Variants in DCLK3 observed in about 807,000 individuals in gnomAD.
DCLK3 encodes the protein serine/threonine-protein kinase DCLK3.
DCLK3 carries 30 observed loss-of-function variants against 46.4 expected under a neutral mutation model. The ratio of observed to expected loss-of-function variants is 0.65; its 90% CI spans 0.48 to 0.88. DCLK3 has a LOEUF of 0.88. DCLK3 is among the 40% of genes least tolerant of loss of function. The pLI is 0.00. For synonymous variants in DCLK3, 401 were observed against 339.2 expected (o/e 1.18, Z -2.00); for missense variants, 846 against 907.1 (o/e 0.93, Z 0.87).
chr3:36,758,625 A>G (rs911111681), intron 1 of DCLK3, among the ~76,000 whole-genome samples: 26 of 152,332 alleles, frequency 1.7e-4, no homozygotes, highest in African/African-American at 6.3e-4. Context: ...AGGTGCCCTA[A>G]TCATGGCCTG....
chr3:36,712,682 T>C lies in DCLK3; in HGVS notation c.*2646A>G, dbSNP rs1223495246. The stretch of plus-strand genomic sequence containing the variant: ...TTCACTTGTATTTTCTGGAATAGTA[T>C]GTAAATGAAATAATCAAAATGTAGT... On this transcript the variant is annotated 3_prime_UTR_variant, in exon 5 of 5. Transcript: ENST00000636136. The C allele has an allele frequency of 6.6e-6, 1 of 152,234 alleles. No individual in the cohort carries two copies. 9.4% of individuals were successfully genotyped at this position (152,234 alleles called of 1,614,324 possible).
intron 1 of DCLK3, among the ~76,000 whole-genome samples, chr3:36,742,097 T>C (rs1396049261): frequency 6.6e-6 from 1 of 152,154 alleles, no homozygotes; most frequent in Non-Finnish European, 1.5e-5. Flanking sequence ...CAGGGAGGCA[T>C]AAAGCAGTGT....
At chr3:36,724,180 C>T (rs979246386) in intron 2 of DCLK3, among the ~76,000 whole-genome samples, 4 of 152,154 alleles carry the variant, frequency 2.6e-5, no homozygotes, top group Admixed American at 2.0e-4. Flanking sequence ...GGGCCTGTGG[C>T]CCCTTTGTTT....
intron 2 of DCLK3, among the ~76,000 whole-genome samples, chr3:36,722,992 C>T (rs149879417): frequency 0.13 from 19,680 of 152,126 alleles, 1,670 homozygotes; most frequent in Non-Finnish European, 0.19. Flanking sequence ...CAGAAGAAGA[C>T]AGAAAAATGT....
At position 36,738,262 on chromosome 3, in the gene DCLK3, G is replaced by A. The variant is rs201773927; in HGVS notation, c.905C>T (p.Ser302Leu). 521 of 1,551,544 alleles carry A rather than the reference G, an allele frequency of 3.4e-4. 2 individuals carry two copies. Among genetic ancestry groups the A allele is most frequent in the African/African-American group, 8.3e-5 (6 of 72,402 alleles). ...CTTCTCGCATCTGATAATTTCACCCGAGGTCTTTTCAATCTCCACCCCAAG... is the reference window on the plus strand; with the variant it reads ...CTTCTCGCATCTGATAATTTCACCCAAGGTCTTTTCAATCTCCACCCCAAG... ...KHLGVEIEKT[S>L]GEIIRCEKCK... Residue 302 changes from serine (S) to leucine (L), a missense_variant, in exon 2 of 5, where the codon TCG becomes TTG. Physicochemically the swap from Ser to Leu is moderately radical, Grantham distance 145. Around this residue, in one of 3 missense-constraint regions of DCLK3, gnomAD observed 553 missense variants for 543.0 expected, o/e 1.02. Coordinates refer to ENST00000636136, the MANE Select transcript of DCLK3 (RefSeq NM_001394672.2).
At chr3:36,731,617 C>G (rs925668013) in intron 2 of DCLK3, among the ~76,000 whole-genome samples, 1 of 152,116 alleles carries the variant, frequency 6.6e-6, no homozygotes, top group Non-Finnish European at 1.5e-5. Flanking sequence ...ACGACTGATC[C>G]AGCTTCAGGT....
chr3:36,713,255 T>C lies in DCLK3; in HGVS notation c.*2073A>G, dbSNP rs756053623. The stretch of plus-strand genomic sequence containing the variant: ...TGAATCTATACAAGAGATCCAAAGG[T>C]ATAGGAGAAAAAAAAACCAGAAAAA... On this transcript the variant is annotated 3_prime_UTR_variant, in exon 5 of 5. Transcript: ENST00000636136. 1 of 151,728 alleles carries C rather than the reference T, an allele frequency of 6.6e-6. No homozygotes were observed. Among genetic ancestry groups the C allele is most frequent in the Non-Finnish European group, 1.5e-5 (1 of 67,960 alleles). 9.4% of individuals were successfully genotyped at this position (151,728 alleles called of 1,614,324 possible).
Position 36,737,433 on chromosome 3 carries a change from G to A in DCLK3, c.1734C>T (p.Leu578=). ...VDSEILIIQS[L]SHPNIVKLHE... ...GCAATTTCACGATGTTGGGGTGAGA[G>A]AGGCTCTGGATGATCAAGATCTCAC... The change falls in exon 2 of 5, where the codon CTC becomes CTT. Residue 578 remains leucine, a synonymous_variant. Transcript: ENST00000636136. The surrounding 1 kb of genome is among the most constrained non-coding windows in gnomAD (Gnocchi z 4.4). The A allele has an allele frequency of 6.2e-7, 1 of 1,614,222 alleles. No individual in the cohort carries two copies. Among genetic ancestry groups the A allele is most frequent in the African/African-American group, 1.3e-5 (1 of 75,064 alleles).
intron 4 of DCLK3, among the ~76,000 whole-genome samples, chr3:36,716,956 T>C (rs1366634697): frequency 6.6e-6 from 1 of 152,108 alleles, no homozygotes; most frequent in African/African-American, 2.4e-5. Context: ...AGCCACCCTC[T>C]CCCTACCTTA....
intron 2 of DCLK3, among the ~76,000 whole-genome samples, chr3:36,723,799 G>A (rs868023587): frequency 1.3e-5 from 2 of 152,286 alleles, no homozygotes; most frequent in Non-Finnish European, 1.5e-5. Context: ...TGCAGGGGAG[G>A]GGTTCTCATG....
intron 2 of DCLK3, among the ~76,000 whole-genome samples, chr3:36,727,285 T>C (rs1423383652): frequency 6.6e-6 from 1 of 152,126 alleles, no homozygotes; most frequent in Non-Finnish European, 1.5e-5. Context: ...TGAAGCTCCA[T>C]CTTAAAATAA....
chr3:36,715,106 C>G lies in DCLK3; in HGVS notation c.*222G>C, dbSNP rs1329916878. On this transcript the variant is annotated 3_prime_UTR_variant, in exon 5 of 5. Coordinates refer to ENST00000636136, the MANE Select transcript of DCLK3 (RefSeq NM_001394672.2). Reference sequence around the variant, plus strand: ...CCTCACTGATGACAATGCTTACCCCCCAAAAATGTATTAAAGGCTTTAAAT... The same window carrying G: ...CCTCACTGATGACAATGCTTACCCCGCAAAAATGTATTAAAGGCTTTAAAT... 1.3e-5 allele frequency: 7 copies of G among 545,890 alleles called. No individual in the cohort carries two copies. Among genetic ancestry groups the G allele is most frequent in the Non-Finnish European group, 2.1e-5 (7 of 327,426 alleles). 33.8% of individuals were successfully genotyped at this position (545,890 alleles called of 1,614,324 possible).
chr3:36,723,400 C>A (rs60415983), intron 2 of DCLK3, among the ~76,000 whole-genome samples: 1 of 152,164 alleles, frequency 6.6e-6, no homozygotes, highest in African/African-American at 2.4e-5. Flanking sequence ...AAGCCGGCTG[C>A]AGAAATTTGC....
Position 36,764,225 on chromosome 3 carries a change from GGGC to G in DCLK3, c.36_38del (p.Pro14del). ...GGCAGGCTGGGGCTGGCCGGGCCGG[GGGC>G]GGCGGCGGCTGCGGGGCTGGAGTGG... On this transcript the variant is annotated inframe_deletion, in exon 1 of 5. Transcript: ENST00000636136. This position sits in a 1 kb window ranked among gnomAD's most constrained non-coding sequence, Gnocchi z 4.9. 2.8e-5 allele frequency: 9 copies of G among 320,232 alleles called. No homozygotes were observed. Among genetic ancestry groups the G allele is most frequent in the Admixed American group, 5.0e-5 (1 of 19,894 alleles). 19.8% of individuals were successfully genotyped at this position (320,232 alleles called of 1,614,324 possible). A position where few individuals can be genotyped will look rare whatever the true frequency, so the allele number is the denominator to read the frequency against.
At chr3:36,733,352 C>A (rs1701222105) in intron 2 of DCLK3, among the ~76,000 whole-genome samples, 1 of 152,244 alleles carries the variant, frequency 6.6e-6, no homozygotes, top group Non-Finnish European at 1.5e-5. Context: ...ACACATCCTT[C>A]TCTTCCCCTT....
chr3:36,724,145 C>T (rs182116870), intron 2 of DCLK3, among the ~76,000 whole-genome samples: 152 of 152,270 alleles, frequency 1.0e-3, no homozygotes, highest in African/African-American at 3.5e-3. Context: ...GATTTGACTG[C>T]CCCGCTAGAT....
chr3:36,743,107 G>A (rs1391557166), intron 1 of DCLK3, among the ~76,000 whole-genome samples: 4 of 152,016 alleles, frequency 2.6e-5, no homozygotes, highest in East Asian at 1.9e-4. Flanking sequence ...CATACCGGTT[G>A]AGTATCCCAA....
intron 1 of DCLK3, among the ~76,000 whole-genome samples, chr3:36,742,001 A>G (rs934585166): frequency 6.6e-6 from 1 of 152,202 alleles, no homozygotes; most frequent in Non-Finnish European, 1.5e-5. Flanking sequence ...ACATTCAGTG[A>G]ATACCTTAAG....
In DCLK3 at chr3:36,721,664, A is replaced by G; in HGVS notation, c.1960-5T>C. 5 of 1,614,060 alleles carry G rather than the reference A, an allele frequency of 3.1e-6. No individual in the cohort carries two copies. The South Asian group carries it at 4.4e-5, about 14-fold the overall frequency. On this transcript the variant is annotated splice_region_variant and splice_polypyrimidine_tract_variant and intron_variant, in intron 2 of 4. Coordinates refer to ENST00000636136, the MANE Select transcript of DCLK3 (RefSeq NM_001394672.2). ...TTTGTCCTCATTTCGCTGAACCTGT[A>G]AGAAACCAAAATCCCCAAACCACCA...
Sources: gnomAD v4.1 joint callset for allele counts (sites outside exome capture counted in the v4.1 genomes callset) on GRCh38, gnomAD v4.1.1 for gene constraint, gnomAD v4.1.1 regional missense constraint, Gnocchi (gnomAD v3.1) non-coding constraint, MANE v1.5 for transcripts, NCBI Gene and HGNC (gene_info 2026-07-23, HGNC 2026-07-21) for gene names.